Variants in DEPTOR observed in about 807,000 individuals in gnomAD.
The protein encoded by DEPTOR is DEP domain-containing mTOR-interacting protein.
DEPTOR carries 41 observed loss-of-function variants against 41.6 expected under a neutral mutation model. That is an observed-to-expected ratio of 0.98 (90% CI 0.77 to 1.28). The LOEUF (loss-of-function observed/expected upper bound fraction) is 1.28. Ranked by LOEUF, DEPTOR falls within the 50% of genes most tolerant of loss-of-function variation. DEPTOR has a pLI of 0.00. For missense variants in DEPTOR, 514 were observed against 527.9 expected, an observed-to-expected ratio of 0.97 and a Z score of 0.26; for synonymous variants, 195 against 192.3, an observed-to-expected ratio of 1.01 and a Z score of -0.12.
intron 8 of DEPTOR, among the ~76,000 whole-genome samples, chr8:120,024,627 G>A (rs1812771947): frequency 6.6e-6 from 1 of 152,132 alleles, no homozygotes; most frequent in African/African-American, 2.4e-5. Context: ...CCATGTGACT[G>A]GAGTGGTGCA....
chr8:119,968,973 A>C (rs1828598358), intron 4 of DEPTOR, among the ~76,000 whole-genome samples: 1 of 152,208 alleles, frequency 6.6e-6, no homozygotes, highest in African/African-American at 2.4e-5. Context: ...GGATGCCTGT[A>C]ATCCCAGCTA....
intron 4 of DEPTOR, among the ~76,000 whole-genome samples, chr8:119,995,667 C>A (rs1812249526): frequency 6.6e-6 from 1 of 151,834 alleles, no homozygotes; most frequent in African/African-American, 2.4e-5. Flanking sequence ...AAAGTTCCAA[C>A]TTAATTGCCA....
chr8:119,881,388 G>A (rs1030859526), intron 1 of DEPTOR, among the ~76,000 whole-genome samples: 1 of 152,054 alleles, frequency 6.6e-6, no homozygotes, highest in Non-Finnish European at 1.5e-5. Context: ...GCTGGGGGTG[G>A]TGGTGCGTGC....
intron 1 of DEPTOR, among the ~76,000 whole-genome samples, chr8:119,915,123 C>T (rs900069471): frequency 1.3e-5 from 2 of 152,026 alleles, no homozygotes; most frequent in Admixed American, 6.6e-5. Flanking sequence ...TGTGCCACCA[C>T]GCCCAGCTAA....
intron 8 of DEPTOR, among the ~76,000 whole-genome samples, chr8:120,031,148 T>C (rs1272553114): frequency 6.6e-6 from 1 of 151,424 alleles, no homozygotes; most frequent in East Asian, 1.9e-4. Context: ...CTGGGCAACA[T>C]AGTGAGACCC....
At chr8:119,970,299 C>A (rs1828615928) in intron 4 of DEPTOR, among the ~76,000 whole-genome samples, 2 of 152,086 alleles carry the variant, frequency 1.3e-5, no homozygotes, top group Non-Finnish European at 2.9e-5. Flanking sequence ...GTATGTTGTA[C>A]TTATTAAATC....
intron 2 of DEPTOR, among the ~76,000 whole-genome samples, chr8:119,929,524 G>A (rs2129853029): frequency 6.6e-6 from 1 of 152,202 alleles, no homozygotes; most frequent in Non-Finnish European, 1.5e-5. Flanking sequence ...AGAATTTGTG[G>A]ATTGCATGAT....
At chr8:120,040,096 G>T (rs13266382) in intron 8 of DEPTOR, among the ~76,000 whole-genome samples, 51,981 of 151,758 alleles carry the variant, frequency 0.34, 9,970 homozygotes, top group East Asian at 0.55. Flanking sequence ...CGCCTGCCTC[G>T]GCCTCCCAAA....
At chr8:119,943,161 G>A (rs1433734211) in intron 3 of DEPTOR, among the ~76,000 whole-genome samples, 1 of 152,178 alleles carries the variant, frequency 6.6e-6, no homozygotes, top group Non-Finnish European at 1.5e-5. Flanking sequence ...CAGTCAGTGG[G>A]AGGCACTAGT....
chr8:120,021,123 T>C (rs932110427), intron 8 of DEPTOR, among the ~76,000 whole-genome samples: 80 of 65,718 alleles, frequency 1.2e-3, no homozygotes, highest in African/African-American at 4.8e-3. Flanking sequence ...ATGGAATATG[T>C]GGGCCAGGTG....
chr8:119,892,786 A>ATT (rs111693158), intron 1 of DEPTOR, among the ~76,000 whole-genome samples: 2,007 of 147,086 alleles, frequency 0.014, 33 homozygotes, highest in African/African-American at 0.03. Flanking sequence ...CTTTATTATA[A>ATT]TTTTTTTTTT....
intron 8 of DEPTOR, among the ~76,000 whole-genome samples, chr8:120,019,709 C>T (rs1174159573): frequency 1.3e-5 from 2 of 152,224 alleles, no homozygotes; most frequent in East Asian, 1.9e-4. Flanking sequence ...TTCCCTCCTT[C>T]GCCACAGTCT....
At chr8:119,924,594 ACT>A (rs1256005125) in intron 1 of DEPTOR, among the ~76,000 whole-genome samples, 1 of 152,068 alleles carries the variant, frequency 6.6e-6, no homozygotes, top group African/African-American at 2.4e-5. Context: ...AATTACAAAG[ACT>A]TTTTTTGGTC....
chr8:120,034,264 T>TACATACACACACAC (rs1554587415), intron 8 of DEPTOR, among the ~76,000 whole-genome samples: 1 of 145,278 alleles, frequency 6.9e-6, no homozygotes, highest in Non-Finnish European at 1.5e-5. Context: ...GCAAAGCATG[T>TACATACACACACAC]ACACACACAC....
At chr8:120,032,871 A>G (rs1400482726) in intron 8 of DEPTOR, among the ~76,000 whole-genome samples, 3 of 152,144 alleles carry the variant, frequency 2.0e-5, no homozygotes, top group Admixed American at 1.3e-4. Context: ...GTTTTGGCCA[A>G]GTTGACACCA....
intron 1 of DEPTOR, among the ~76,000 whole-genome samples, chr8:119,888,386 G>C (rs1163859033): frequency 6.6e-6 from 1 of 152,138 alleles, no homozygotes; most frequent in Non-Finnish European, 1.5e-5. Flanking sequence ...CGACTTGGCA[G>C]AAGTGTCGAA....
chr8:120,006,999 C>T, intron 7 of DEPTOR, 124 bp downstream of exon 7: 4 of 940,452 alleles, frequency 4.3e-6, no homozygotes, highest in Middle Eastern at 2.3e-4. Context: ...TTGTTTTTAG[C>T]GTAATTATGA....
At chr8:119,972,432 A>G (rs1284067047) in intron 4 of DEPTOR, among the ~76,000 whole-genome samples, 1 of 152,050 alleles carries the variant, frequency 6.6e-6, no homozygotes, top group East Asian at 1.9e-4. Context: ...AGACCTGCTT[A>G]AGCAACATAG....
Position 120,030,497 on chromosome 8 carries a change from G to GTTTGTTTTTTTTT in DEPTOR, c.1102-19076_1102-19075insGTTTTTTTTTTTT, listed in dbSNP as rs1207108457. Among the ~76,000 whole-genome samples the GTTTGTTTTTTTTT allele has an allele frequency of 1.7e-4, 8 of 46,192 alleles. 1 individual carries two copies. Among genetic ancestry groups the GTTTGTTTTTTTTT allele is most frequent in the Admixed American group, 7.7e-4 (2 of 2,600 alleles). The allele number at this position is 46,192 out of a possible 152,430, so 30.3% of individuals were successfully genotyped here. On this transcript the variant is annotated intron_variant, in intron 8 of 8. Transcript: ENST00000286234. ...AATGATGTATTGTGTAGGTTCATCA[G>GTTTGTTTTTTTTT]TTTTTTTTTTTTTTTTTTTTTTTTT...
Sources: gnomAD v4.1 joint callset for allele counts (sites outside exome capture counted in the v4.1 genomes callset) on GRCh38, gnomAD v4.1.1 for gene constraint, MANE v1.5 for transcripts, NCBI Gene and HGNC (gene_info 2026-07-23, HGNC 2026-07-21) for gene names.